Variants in MICAL2 observed in about 807,000 individuals in gnomAD.
The protein encoded by MICAL2 is microtubule associated monooxygenase, calponin and LIM domain containing 2, also known as [F-actin]-monooxygenase MICAL2.
Under a neutral mutation model 127.3 loss-of-function variants are expected in MICAL2, and 77 were observed. The observed-to-expected ratio is 0.60, with a 90% CI of 0.50 to 0.73. MICAL2 has a LOEUF of 0.73. Among genes scored for constraint, MICAL2 ranks in the 30% least tolerant of loss-of-function variants. The pLI, the probability that MICAL2 is intolerant of heterozygous loss-of-function variation, is 0.00. For synonymous variants in MICAL2, 570 were observed against 551.1 expected, an observed-to-expected ratio of 1.03 and a Z score of -0.48; for missense variants, 1,351 against 1,434.4, an observed-to-expected ratio of 0.94 and a Z score of 0.94.
rs550479917 is a variant in MICAL2, at chr11:12,125,544, G to A, written c.-148-12846G>A. Reference sequence around the variant, plus strand: ...GCTGGGATTACAGGCGTGAGCCACCGTGCCCGGCATCTTTTTTTTGTTATG... The same window carrying A: ...GCTGGGATTACAGGCGTGAGCCACCATGCCCGGCATCTTTTTTTTGTTATG... On this transcript the variant is annotated intron_variant, in intron 1 of 27. Transcript: ENST00000683283. 1.4e-4 allele frequency among the ~76,000 whole-genome samples: 20 copies of A among 147,642 alleles called. No individual in the cohort carries two copies. In the East Asian group the frequency reaches 2.3e-3, roughly 17 times the overall value.
At chr11:12,286,506 T>C (rs1056068806) in intron 2 of MICAL2, among the ~76,000 whole-genome samples, 1 of 152,246 alleles carries the variant, frequency 6.6e-6, no homozygotes, top group Admixed American at 6.5e-5. Flanking sequence ...TGCTCACTGA[T>C]GATCTTAGTA....
chr11:12,294,263 C>A, downstream of MICAL2: 1 of 1,614,144 alleles, frequency 6.2e-7, no homozygotes, highest in East Asian at 2.2e-5. Context: ...CAATGCCATC[C>A]GAAGGTCTCT....
chr11:12,293,833 C>G (rs370601033), downstream of MICAL2: 98 of 1,605,668 alleles, frequency 6.1e-5, no homozygotes, highest in Admixed American at 3.4e-5. Context: ...CACACCCCAT[C>G]TGGGGGAAGG....
chr11:12,180,477 A>AT (rs890774935), intron 3 of MICAL2, among the ~76,000 whole-genome samples: 3 of 151,868 alleles, frequency 2.0e-5, no homozygotes, highest in African/African-American at 7.3e-5. Flanking sequence ...AAACTTCTGT[A>AT]TTTTTTGCCT....
At chr11:12,217,709 T>A (rs933493689) in intron 8 of MICAL2, among the ~76,000 whole-genome samples, 4 of 152,160 alleles carry the variant, frequency 2.6e-5, no homozygotes. Flanking sequence ...TCCCAGGTGT[T>A]TGCTCATGGC....
chr11:12,177,245 T>G (rs1209995973), intron 3 of MICAL2, among the ~76,000 whole-genome samples: 1 of 152,220 alleles, frequency 6.6e-6, no homozygotes, highest in East Asian at 1.9e-4. Flanking sequence ...CCCTAATGAT[T>G]AGTGATGTTG....
chr11:12,264,100 G>A (rs185605123), downstream of MICAL2, among the ~76,000 whole-genome samples: 2 of 152,288 alleles, frequency 1.3e-5, no homozygotes, highest in East Asian at 3.9e-4. Flanking sequence ...CTGTATTGAT[G>A]GCTACCTTTA....
intron 20 of MICAL2, among the ~76,000 whole-genome samples, chr11:12,243,719 G>A (rs1202704016): frequency 1.3e-5 from 2 of 152,214 alleles, no homozygotes; most frequent in Non-Finnish European, 2.9e-5. Context: ...CGGTGTCTGA[G>A]GCGGATGTAG....
At chr11:12,327,743 A>G (rs1230050992) in intron 32 of MICAL2, among the ~76,000 whole-genome samples, 2 of 148,844 alleles carry the variant, frequency 1.3e-5, no homozygotes, top group Non-Finnish European at 3.0e-5. Flanking sequence ...TTCCTCATCT[A>G]AAATGGGGAT....
At chr11:12,142,136 C>T (rs954534935) in intron 2 of MICAL2, among the ~76,000 whole-genome samples, 2 of 152,136 alleles carry the variant, frequency 1.3e-5, no homozygotes, top group Non-Finnish European at 2.9e-5. Context: ...GTTCAGCCAC[C>T]GTGCCTTCCT....
At chr11:12,286,211 GCCACAGCAATGATGGT>G in intron 2 of MICAL2, among the ~76,000 whole-genome samples, 1 of 152,192 alleles carries the variant, frequency 6.6e-6, no homozygotes, top group East Asian at 1.9e-4. Context: ...CCAAGGGAGG[GCCACAGCAATGATGGT>G]CCACAGCCTC....
chr11:12,237,116 T>C (rs1302118638), intron 16 of MICAL2, among the ~76,000 whole-genome samples: 1 of 152,142 alleles, frequency 6.6e-6, no homozygotes, highest in African/African-American at 2.4e-5. Context: ...AGCTTTATAA[T>C]AAATAGAGTC....
intron 10 of MICAL2, among the ~76,000 whole-genome samples, chr11:12,222,003 T>A (rs1856868003): frequency 6.6e-6 from 1 of 152,210 alleles, no homozygotes; most frequent in African/African-American, 2.4e-5. Context: ...AAGAGAAATC[T>A]TCATCTAGGT....
chr11:12,174,957 C>CA (rs1856675740), intron 3 of MICAL2, among the ~76,000 whole-genome samples: 1 of 151,802 alleles, frequency 6.6e-6, no homozygotes, highest in African/African-American at 2.4e-5. Flanking sequence ...GCCATTTCTA[C>CA]AAAAAAATAC....
chr11:12,261,542 C>T (rs1313245088), intron 26 of MICAL2: 12 of 985,350 alleles, frequency 1.2e-5, no homozygotes, highest in East Asian at 1.1e-4. Flanking sequence ...ATCTACGGTG[C>T]GCAGTGTATC....
intron 22 of MICAL2, chr11:12,253,073 G>A (rs1861773658): frequency 6.6e-6 from 1 of 152,124 alleles, no homozygotes; most frequent in East Asian, 1.9e-4. Flanking sequence ...TGGGCTTCCA[G>A]AGCAGGCTTC....
At chr11:12,320,346 A>G (rs561296509) in intron 30 of MICAL2, among the ~76,000 whole-genome samples, 102 of 152,348 alleles carry the variant, frequency 6.7e-4, no homozygotes, top group Non-Finnish European at 1.2e-3. Flanking sequence ...ATGAACATTA[A>G]TGTTTTTGGA....
chr11:12,310,131 C>T (rs950161998), intron 29 of MICAL2, among the ~76,000 whole-genome samples: 2 of 152,132 alleles, frequency 1.3e-5, no homozygotes, highest in African/African-American at 2.4e-5. Flanking sequence ...TAGGTTGTGT[C>T]GTCATTTTGT....
At chr11:12,277,311 C>T (rs1125741) in intron 1 of MICAL2, among the ~76,000 whole-genome samples, 60,364 of 151,486 alleles carry the variant, frequency 0.4, 12,896 homozygotes, top group East Asian at 0.77. Context: ...CACAGTGCTG[C>T]TCCAGTGCCA....
Sources: gnomAD v4.1 joint callset for allele counts (sites outside exome capture counted in the v4.1 genomes callset) on GRCh38, gnomAD v4.1.1 for gene constraint, MANE v1.5 for transcripts, NCBI Gene and HGNC (gene_info 2026-07-23, HGNC 2026-07-21) for gene names.